The following GIGYF2 variants were observed in gnomAD, a reference collection of about 807,000 sequenced individuals.
GIGYF2 encodes the protein GRB10 interacting GYF protein 2.
A neutral mutation model predicts 208.1 loss-of-function variants in GIGYF2; 25 were observed. The observed-to-expected ratio is 0.12, with a 90% CI of 0.09 to 0.17. The LOEUF is 0.17. GIGYF2 is among the 10% of genes least tolerant of loss of function. GIGYF2 has a pLI of 1.00. For synonymous variants in GIGYF2, 534 were observed against 543.8 expected (o/e 0.98, Z 0.25); for missense variants, 1,302 against 1,579.4 (o/e 0.82, Z 2.98).
In GIGYF2 at chr2:232,721,672, C is replaced by T. The variant is rs145768832; in HGVS notation, c.-43-13483C>T. On this transcript the variant is annotated intron_variant, in intron 2 of 28. Coordinates refer to ENST00000373563, the MANE Select transcript of GIGYF2 (RefSeq NM_001103146.3). The stretch of plus-strand genomic sequence containing the variant: ...TACACGGTCAGGTTAGCCATTTTTT[C>T]TCTATCTTTGTGCAAAACTCTCTTT... Among the ~76,000 whole-genome samples, 1,091 of 152,248 alleles carry T rather than the reference C, an allele frequency of 7.2e-3. 15 individuals carry two copies. Among genetic ancestry groups the T allele is most frequent in the African/African-American group, 0.024 (1,002 of 41,554 alleles).
intron 8 of GIGYF2, among the ~76,000 whole-genome samples, chr2:232,762,794 A>G (rs1038093332): frequency 2.0e-5 from 3 of 152,106 alleles, no homozygotes; most frequent in African/African-American, 7.2e-5. Context: ...CTATAATCCC[A>G]GTGCTTTGGG....
intron 23 of GIGYF2, among the ~76,000 whole-genome samples, chr2:232,842,042 A>T (rs1701832126): frequency 6.6e-6 from 1 of 151,420 alleles, no homozygotes. Context: ...GTGTCACTGC[A>T]TTACCTGGGC....
At chr2:232,765,193 A>G (rs1698905954) in intron 8 of GIGYF2, 1 of 152,156 alleles carries the variant, frequency 6.6e-6, no homozygotes. Flanking sequence ...GAAGTAATCC[A>G]CTTTTGTTGA....
chr2:232,741,147 CTAT>C (rs1697953995), intron 3 of GIGYF2, among the ~76,000 whole-genome samples: 2 of 152,348 alleles, frequency 1.3e-5, no homozygotes, highest in South Asian at 4.1e-4. Context: ...ATCTCATACT[CTAT>C]ACTTTTCCAA....
chr2:232,719,466 G>T (rs1439421642), intron 2 of GIGYF2, among the ~76,000 whole-genome samples: 1 of 152,054 alleles, frequency 6.6e-6, no homozygotes, highest in East Asian at 1.9e-4. Context: ...AGGCTAAGAG[G>T]GAGAGGTCAG....
At chr2:232,725,545 C>T (rs6717841) in intron 2 of GIGYF2, among the ~76,000 whole-genome samples, 48,149 of 152,068 alleles carry the variant, frequency 0.32, 7,992 homozygotes, top group South Asian at 0.62. Flanking sequence ...TCAAATTAAG[C>T]GAATACATAT....
intron 1 of GIGYF2, among the ~76,000 whole-genome samples, chr2:232,698,845 C>G (rs1240065382): frequency 6.6e-6 from 1 of 152,198 alleles, no homozygotes; most frequent in Non-Finnish European, 1.5e-5. Context: ...TGGTACCTGA[C>G]AGCATTTGAG....
rs1447728168 is a variant in GIGYF2, at chr2:232,815,688, G to A, written c.2159G>A (p.Gly720Asp). Residue 720 changes from glycine (G) to aspartate (D), a missense_variant, in exon 19 of 29, where the codon GGC becomes GAC. Physicochemically the swap from Gly to Asp is moderately conservative, Grantham distance 94. Coordinates refer to ENST00000373563, the MANE Select transcript of GIGYF2 (RefSeq NM_001103146.3). ...WDLPLDTTTP[G>D]PALEQLQQLE... Reference sequence around the variant, plus strand: ...CTTCCTCTGGACACCACGACACCAGGCCCTGCCCTGGAACAGCTTCAGCAG... The same window carrying A: ...CTTCCTCTGGACACCACGACACCAGACCCTGCCCTGGAACAGCTTCAGCAG... 1.2e-6 allele frequency: 2 copies of A among 1,609,714 alleles called. No individual in the cohort carries two copies. The highest frequency in any genetic ancestry group is 1.7e-5 in the Admixed American group (1 of 60,018).
At chr2:232,822,153 T>C (rs1701103480) in intron 21 of GIGYF2, among the ~76,000 whole-genome samples, 1 of 152,152 alleles carries the variant, frequency 6.6e-6, no homozygotes, top group Non-Finnish European at 1.5e-5. Context: ...TTAATTTCTA[T>C]ATAAGTAAAA....
intron 8 of GIGYF2, among the ~76,000 whole-genome samples, chr2:232,779,911 A>G (rs992515282): frequency 2.0e-5 from 3 of 152,162 alleles, no homozygotes; most frequent in African/African-American, 7.2e-5. Flanking sequence ...CTTGAGTGGG[A>G]TGCCCTTTCA....
chr2:232,740,777 T>C (rs1325073117), intron 3 of GIGYF2, among the ~76,000 whole-genome samples: 1 of 152,184 alleles, frequency 6.6e-6, no homozygotes, highest in Non-Finnish European at 1.5e-5. Context: ...CTATCGATAA[T>C]TATGGGATTA....
At chr2:232,852,526 C>G (rs562552726) in intron 28 of GIGYF2, among the ~76,000 whole-genome samples, 1 of 151,764 alleles carries the variant, frequency 6.6e-6, no homozygotes, top group Admixed American at 6.6e-5. Flanking sequence ...CCAGCCTGTG[C>G]GACAGAGTGA....
intron 27 of GIGYF2, among the ~76,000 whole-genome samples, chr2:232,847,971 G>C (rs543191351): frequency 1.7e-4 from 26 of 152,228 alleles, no homozygotes; most frequent in African/African-American, 6.0e-4. Flanking sequence ...TGTTGTTGTT[G>C]GGGATGTAAA....
intron 23 of GIGYF2, 165 bp from the exon 24 acceptor site, chr2:232,843,881 A>C: frequency 1.5e-6 from 1 of 678,450 alleles, no homozygotes; most frequent in Non-Finnish European, 2.7e-6. Flanking sequence ...TCTCCTTTTT[A>C]ATACTGTTAG....
intron 2 of GIGYF2, 36 bp from the exon 3 acceptor site, chr2:232,735,119 C>G (rs1697679237): frequency 2.1e-6 from 2 of 937,714 alleles, no homozygotes; most frequent in South Asian, 2.7e-5. Flanking sequence ...CATTTAATCT[C>G]AACTAATAGT....
intron 21 of GIGYF2, among the ~76,000 whole-genome samples, chr2:232,827,185 G>C (rs11684636): frequency 2.8e-5 from 4 of 140,484 alleles, no homozygotes; most frequent in Non-Finnish European, 6.5e-5. Flanking sequence ...TAGGGCCCTC[G>C]GGATTTTCAA....
intron 12 of GIGYF2, among the ~76,000 whole-genome samples, chr2:232,793,890 A>G (rs995151482): frequency 6.6e-6 from 1 of 152,168 alleles, no homozygotes; most frequent in African/African-American, 2.4e-5. Flanking sequence ...AAGACTAGGA[A>G]AAGTCATTGT....
chr2:232,836,308 A>ACT (rs1559160577), intron 22 of GIGYF2, among the ~76,000 whole-genome samples: 6 of 21,586 alleles, frequency 2.8e-4, no homozygotes, highest in African/African-American at 9.0e-4. Context: ...ATATATATAT[A>ACT]TATATATATA....
At chr2:232,787,801 TAG>T (rs771504804) in intron 9 of GIGYF2, among the ~76,000 whole-genome samples, 16 of 152,230 alleles carry the variant, frequency 1.1e-4, no homozygotes, top group Non-Finnish European at 1.9e-4. Context: ...GCTTTAAACC[TAG>T]GTCAGAAACA....
Sources: allele counts gnomAD v4.1 joint callset (sites outside exome capture counted in the v4.1 genomes callset), GRCh38; gene constraint gnomAD v4.1.1; transcripts MANE v1.5; gene names NCBI Gene and HGNC (gene_info 2026-07-23, HGNC 2026-07-21).